CELF4: variants seen among roughly 807,000 people sequenced by gnomAD.
CELF4 encodes the protein CUGBP Elav-like family member 4.
CELF4 carries 18 observed loss-of-function variants against 59.9 expected under a neutral mutation model. That is an observed-to-expected ratio of 0.30 (90% CI 0.21 to 0.45). The LOEUF (loss-of-function observed/expected upper bound fraction) is 0.45, where lower values mean the gene tolerates loss of function less well. Ranked by LOEUF, CELF4 falls within the 20% of genes least tolerant of loss-of-function variation. The pLI, the probability that CELF4 is intolerant of heterozygous loss-of-function variation, is 1.00. For missense variants in CELF4, 456 were observed against 689.0 expected, an observed-to-expected ratio of 0.66 and a Z score of 3.79; for synonymous variants, 261 against 267.1, an observed-to-expected ratio of 0.98 and a Z score of 0.22.
chr18:37,252,270 C>T (rs1202783613), intron 12 of CELF4, among the ~76,000 whole-genome samples: 2 of 152,174 alleles, frequency 1.3e-5, no homozygotes, highest in Non-Finnish European at 2.9e-5. Context: ...ATCCTTGGCT[C>T]CTCTTTCAAA....
intron 2 of CELF4, among the ~76,000 whole-genome samples, chr18:37,422,750 T>C (rs1033436031): frequency 2.0e-5 from 3 of 152,166 alleles, no homozygotes; most frequent in Admixed American, 2.0e-4. Context: ...TTCGTGGCCA[T>C]AGGGAAGCCA....
At chr18:37,494,820 G>A (rs949446083) in intron 1 of CELF4, among the ~76,000 whole-genome samples, 8 of 152,126 alleles carry the variant, frequency 5.3e-5, no homozygotes, top group East Asian at 1.9e-4. Flanking sequence ...AGGGAGACAC[G>A]AGGGTCCTTG....
In CELF4 at chr18:37,467,935, T is replaced by A. The variant is rs756416192; in HGVS notation, c.369+17590A>T. ...GTTCACATCACCTGTTATGTACACA[T>A]ACTTTTGTGTGCACCTATATGGCAT... is the stretch of plus-strand genomic sequence containing the variant. On this transcript the variant is annotated intron_variant, in intron 2 of 12. Transcript: ENST00000420428. Among the ~76,000 whole-genome samples the A allele has an allele frequency of 2.0e-5, 3 of 152,230 alleles. No homozygotes were observed. The East Asian group carries it at 5.8e-4, about 29-fold the overall frequency.
chr18:37,411,481 AG>A (rs2099456976), intron 2 of CELF4, among the ~76,000 whole-genome samples: 1 of 152,162 alleles, frequency 6.6e-6, no homozygotes, highest in African/African-American at 2.4e-5. Flanking sequence ...CAAGAAAAAT[AG>A]GGTCTGGCTT....
intron 2 of CELF4, among the ~76,000 whole-genome samples, chr18:37,467,967 T>C (rs1232936456): frequency 6.6e-6 from 1 of 152,084 alleles, no homozygotes; most frequent in East Asian, 1.9e-4. Flanking sequence ...GCATGTACTC[T>C]GTTGTGTGTA....
chr18:37,407,265 C>G (rs1345423696), intron 2 of CELF4, among the ~76,000 whole-genome samples: 1 of 152,154 alleles, frequency 6.6e-6, no homozygotes, highest in East Asian at 1.9e-4. Context: ...CAACATCACT[C>G]CAGGGAGAGG....
intron 1 of CELF4, among the ~76,000 whole-genome samples, chr18:37,519,584 GTC>G (rs1265658240): frequency 1.3e-5 from 2 of 152,198 alleles, no homozygotes; most frequent in Non-Finnish European, 2.9e-5. Flanking sequence ...TCAGGTGTTC[GTC>G]AGTCTGCAGC....
chr18:37,328,116 C>T (rs918712930), intron 2 of CELF4, among the ~76,000 whole-genome samples: 1 of 152,206 alleles, frequency 6.6e-6, no homozygotes, highest in African/African-American at 2.4e-5. Flanking sequence ...AGGGCCCCTA[C>T]TCATGGATCC....
At chr18:37,262,180 C>T (rs1458234638) in intron 10 of CELF4, among the ~76,000 whole-genome samples, 1 of 152,204 alleles carries the variant, frequency 6.6e-6, no homozygotes, top group Non-Finnish European at 1.5e-5. Context: ...CCTGACAAAC[C>T]ACTCCCAGTG....
At chr18:37,367,083 T>G (rs1233965822) in intron 2 of CELF4, among the ~76,000 whole-genome samples, 1 of 152,200 alleles carries the variant, frequency 6.6e-6, no homozygotes, top group East Asian at 1.9e-4. Flanking sequence ...GAGAAGAAAC[T>G]TGGCAAGCTA....
intron 2 of CELF4, among the ~76,000 whole-genome samples, chr18:37,326,280 G>A (rs1207047072): frequency 6.6e-6 from 1 of 152,196 alleles, no homozygotes; most frequent in Non-Finnish European, 1.5e-5. Flanking sequence ...TCAGGAGGAA[G>A]ACCAGAAGGC....
chr18:37,369,708 G>A (rs1257618545), intron 2 of CELF4, among the ~76,000 whole-genome samples: 1 of 152,176 alleles, frequency 6.6e-6, no homozygotes, highest in African/African-American at 2.4e-5. Context: ...AAATCCTATG[G>A]ACTGGAATTC....
intron 2 of CELF4, among the ~76,000 whole-genome samples, chr18:37,423,064 G>GCGCACACA (rs1557422716): frequency 1.2e-3 from 186 of 150,524 alleles, no homozygotes; most frequent in South Asian, 4.0e-3. Flanking sequence ...GCGCGCGCGC[G>GCGCACACA]CACACACACA....
intron 1 of CELF4, among the ~76,000 whole-genome samples, chr18:37,487,473 C>T (rs1206184516): frequency 6.6e-6 from 1 of 152,128 alleles, no homozygotes; most frequent in East Asian, 1.9e-4. Flanking sequence ...TCCTCCAGAC[C>T]CCAGATCACT....
At chr18:37,267,137 C>T (rs1166274013) in intron 8 of CELF4, among the ~76,000 whole-genome samples, 1 of 152,224 alleles carries the variant, frequency 6.6e-6, no homozygotes, top group Non-Finnish European at 1.5e-5. Flanking sequence ...GGTCTTCCAC[C>T]CCCAGCCCAT....
chr18:37,380,290 C>T (rs568934833), intron 2 of CELF4, among the ~76,000 whole-genome samples: 1 of 152,274 alleles, frequency 6.6e-6, no homozygotes, highest in East Asian at 1.9e-4. Flanking sequence ...GGGGAAACTT[C>T]CCCAGTGCTT....
At chr18:37,485,731 T>C (rs899406399) in intron 1 of CELF4, 124 bp from the exon 2 acceptor site, 22 of 455,048 alleles carry the variant, frequency 4.8e-5, no homozygotes, top group African/African-American at 4.3e-4. Context: ...CCCACCTCTC[T>C]TTCTCTCCCG....
chr18:37,275,000 C>A, intron 4 of CELF4, 115 bp downstream of exon 4: 1 of 1,535,588 alleles, frequency 6.5e-7, no homozygotes, highest in Non-Finnish European at 8.9e-7. Flanking sequence ...GAGAAAGAGA[C>A]ACCAAGAAGC....
chr18:37,326,282 C>T (rs1188685579), intron 2 of CELF4, among the ~76,000 whole-genome samples: 1 of 152,140 alleles, frequency 6.6e-6, no homozygotes, highest in Non-Finnish European at 1.5e-5. Context: ...AGGAGGAAGA[C>T]CAGAAGGCCA....
Sources: allele counts gnomAD v4.1 joint callset (sites outside exome capture counted in the v4.1 genomes callset), GRCh38; gene constraint gnomAD v4.1.1; transcripts MANE v1.5; gene names NCBI Gene and HGNC (gene_info 2026-07-23, HGNC 2026-07-21).